Variants in CC2D1B observed in about 807,000 individuals in gnomAD.
The protein encoded by CC2D1B is coiled-coil and C2 domain-containing protein 1B.
In CC2D1B, 92 loss-of-function variants were observed where a neutral mutation model predicts 110.8. The observed-to-expected ratio is 0.83, with a 90% CI of 0.70 to 0.99. CC2D1B has a LOEUF of 0.99. Ranked by LOEUF, CC2D1B falls within the 50% of genes least tolerant of loss-of-function variation. CC2D1B has a pLI of 0.00. For missense variants in CC2D1B, 1,136 were observed against 1,089.0 expected (o/e 1.04, Z -0.61); for synonymous variants, 406 against 429.2 (o/e 0.95, Z 0.67).
chr1:52,356,537 CTG>C, intron 16 of CC2D1B, 95 bp from the exon 17 acceptor site: 1 of 1,339,876 alleles, frequency 7.5e-7, no homozygotes, highest in East Asian at 2.3e-5. Flanking sequence ...CAACTTTCCT[CTG>C]TAGCCTCACC....
chr1:52,360,835 A>T, intron 5 of CC2D1B, 139 bp downstream of exon 5: 1 of 1,115,842 alleles, frequency 9.0e-7, no homozygotes, highest in Non-Finnish European at 1.3e-6. Flanking sequence ...TCTTGTGCTC[A>T]GTTTCTGCTT....
chr1:52,364,404 G>A (rs1646843040), intron 2 of CC2D1B, 148 bp downstream of exon 2: 1 of 490,802 alleles, frequency 2.0e-6, no homozygotes, highest in African/African-American at 1.9e-5. Flanking sequence ...ACTAGTAGGA[G>A]GGTGTCTAAG....
At chr1:52,360,684 GA>G in intron 5 of CC2D1B, 135 bp from the exon 6 acceptor site, 3 of 1,329,874 alleles carry the variant, frequency 2.3e-6, no homozygotes, top group Non-Finnish European at 3.1e-6. Flanking sequence ...CTTAAGGCAG[GA>G]AGCAAAGGCT....
rs756354321 is a variant in CC2D1B, at chr1:52,361,083, T to C, written c.368A>G (p.Asp123Gly). The change falls in exon 5 of 25, where the codon GAT (aspartate) becomes GGT (glycine). Residue 123 changes from aspartate (D) to glycine (G), a missense_variant. Transcript: ENST00000284376. The part of the protein sequence containing the change: ...LGVDEETEPL[D>G]GDEVADPGGS... ...GCCTGGGTCAGCTACCTCATCACCA[T>C]CCAGGGGCTCAGTCTCCTCGTCCAC... 1 of 1,613,920 alleles carries C rather than the reference T, an allele frequency of 6.2e-7. No individual in the cohort carries two copies. The highest frequency in any genetic ancestry group is 8.5e-7 in the Non-Finnish European group (1 of 1,179,956).
chr1:52,357,382 G>A, intron 15 of CC2D1B, 144 bp downstream of exon 15: 3 of 988,706 alleles, frequency 3.0e-6, no homozygotes, highest in South Asian at 1.7e-5. Context: ...AGAGGAGTAT[G>A]AGCAAAAGGC....
In CC2D1B at chr1:52,364,573, T is replaced by C. The variant is rs1417133809; in HGVS notation, c.48A>G (p.Gln16=). ...RPRKGPQARG[Q]GVAAAKQMGL... is the part of the protein sequence containing the mutation. ...ATACCTGCTTGGCAGCGGCCACCCC[T>C]TGGCCTCTGGCCTGAGGGCCCTTCC... is the stretch of plus-strand genomic sequence containing the variant. The change falls in exon 2 of 25, where the codon CAA becomes CAG. Residue 16 remains glutamine, a synonymous_variant. Transcript: ENST00000284376. 1.9e-6 allele frequency: 3 copies of C among 1,606,246 alleles called. No individual in the cohort carries two copies. The highest frequency in any genetic ancestry group is 2.6e-6 in the Non-Finnish European group (3 of 1,174,080).
chr1:52,358,601 G>C (rs971745223), intron 12 of CC2D1B, 85 bp downstream of exon 12: 111 of 1,565,956 alleles, frequency 7.1e-5, no homozygotes, highest in African/African-American at 2.2e-4. Context: ...AGACGCATGA[G>C]AAGTGGGAAT....
At chr1:52,355,144 G>A (rs1268050273) in intron 21 of CC2D1B, among the ~76,000 whole-genome samples, 1 of 152,202 alleles carries the variant, frequency 6.6e-6, no homozygotes, top group Non-Finnish European at 1.5e-5. Context: ...TAACAAAGTA[G>A]GAAAGACTTG....
chr1:52,361,245 G>T (rs1646776533), intron 4 of CC2D1B, 113 bp from the exon 5 acceptor site: 2 of 1,338,062 alleles, frequency 1.5e-6, no homozygotes, highest in Non-Finnish European at 2.1e-6. Flanking sequence ...GTCAGTCACT[G>T]TGCCTGAGTC....
At chr1:52,355,361 C>CT (rs886885041) in intron 21 of CC2D1B, 37 bp downstream of exon 21, 1 of 1,606,472 alleles carries the variant, frequency 6.2e-7, no homozygotes, top group Non-Finnish European at 8.5e-7. Flanking sequence ...CCCACACACT[C>CT]TGAGGGAGGA....
At chr1:52,357,233 G>A in intron 15 of CC2D1B, 107 bp from the exon 16 acceptor site, 1 of 1,336,466 alleles carries the variant, frequency 7.5e-7, no homozygotes, top group Non-Finnish European at 1.0e-6. Context: ...TTCTACTAAA[G>A]TCCAGTGATG....
At chr1:52,365,271 C>T (rs1646858073) in intron 1 of CC2D1B, among the ~76,000 whole-genome samples, 1 of 152,258 alleles carries the variant, frequency 6.6e-6, no homozygotes, top group African/African-American at 2.4e-5. Flanking sequence ...CGGTCTCAGC[C>T]TTCAATGACC....
In CC2D1B at chr1:52,354,130, A is replaced by G. The variant is rs1240441321; in HGVS notation, c.2430+478T>C. 2.6e-5 allele frequency among the ~76,000 whole-genome samples: 4 copies of G among 152,210 alleles called. No individual in the cohort carries two copies. In the East Asian group the frequency reaches 5.8e-4, roughly 22 times the overall value. ...ACAAAGCAGTACAATAGGCCCAAGA[A>G]GTCCAACCACCCTCAGTGGCTCCAA... On this transcript the variant is annotated intron_variant, in intron 23 of 24. Transcript: ENST00000284376.
In CC2D1B at chr1:52,360,177, C is replaced by T; in HGVS notation, c.660G>A (p.Glu220=). The change falls in exon 7 of 25, where the codon GAG becomes GAA. Residue 220 remains glutamate, a synonymous_variant. Coordinates refer to ENST00000284376, the MANE Select transcript of CC2D1B (RefSeq NM_001330585.2). The part of the protein sequence containing the change: ...VRRGRKINED[E]IPPPVALGKR... ...TTCCTAAGGCCACTGGAGGTGGGATCTCATCCTCATTGATCTTTCTGCCTC... is the reference window on the plus strand; with the variant it reads ...TTCCTAAGGCCACTGGAGGTGGGATTTCATCCTCATTGATCTTTCTGCCTC... The T allele has an allele frequency of 1.2e-6, 2 of 1,614,010 alleles. No individual in the cohort carries two copies. The highest frequency in any genetic ancestry group is 8.5e-7 in the Non-Finnish European group (1 of 1,179,952).
chr1:52,357,907 G>C lies in CC2D1B; in HGVS notation c.1462-9C>G, dbSNP rs62000440. The C allele has an allele frequency of 1.1e-3, 1,715 of 1,539,670 alleles. 21 individuals are homozygous for C. The African/African-American group carries it at 0.02, about 18-fold the overall frequency. On this transcript the variant is annotated splice_polypyrimidine_tract_variant and intron_variant, in intron 13 of 24. Coordinates refer to ENST00000284376, the MANE Select transcript of CC2D1B (RefSeq NM_001330585.2). ...TGTGCTGGGGGCTCACCCTGCAGGT[G>C]CCCAGGAGGCTGTTAGGAGGGGATG...
chr1:52,359,034 A>G lies in CC2D1B; in HGVS notation c.1250T>C (p.Ile417Thr), dbSNP rs751860863. The G allele has an allele frequency of 3.2e-5, 51 of 1,606,294 alleles. No homozygotes were observed. Among genetic ancestry groups the G allele is most frequent in the Non-Finnish European group, 3.7e-5 (44 of 1,179,844 alleles). ...DERKARMHER[I>T]AKQYQDAIRA... Reference sequence around the variant, plus strand: ...GCATAGCCGCGGGCCCACCTTGGCAATGCGCTCATGCATCCGAGCCTTGCG... The same window carrying G: ...GCATAGCCGCGGGCCCACCTTGGCAGTGCGCTCATGCATCCGAGCCTTGCG... Residue 417 changes from isoleucine to threonine, a missense_variant, in exon 11 of 25, where the codon ATT becomes ACT. Ile to Thr is a moderately conservative substitution (Grantham distance 89, BLOSUM62 -1). Coordinates refer to ENST00000284376, the MANE Select transcript of CC2D1B (RefSeq NM_001330585.2).
chr1:52,352,312 T>G lies in CC2D1B; in HGVS notation c.*913A>C, dbSNP rs759427996. Reference sequence around the variant, plus strand: ...AGGAGAATTTCTTGTGGAAAAAAACTAAGGAAGTTCCCCACATAACCAGCC... The same window carrying G: ...AGGAGAATTTCTTGTGGAAAAAAACGAAGGAAGTTCCCCACATAACCAGCC... On this transcript the variant is annotated 3_prime_UTR_variant, in exon 25 of 25. Transcript: ENST00000284376. 1.3e-5 allele frequency: 2 copies of G among 152,466 alleles called. No individual in the cohort carries two copies. The highest frequency in any genetic ancestry group is 4.8e-5 in the African/African-American group (2 of 41,394). 9.4% of individuals were successfully genotyped at this position (152,466 alleles called of 1,614,324 possible). A position where few individuals can be genotyped will look rare whatever the true frequency, so the allele number is the denominator to read the frequency against.
rs147504048 is a variant in CC2D1B, at chr1:52,358,446, G to C, written c.1346C>G (p.Pro449Arg). 1.2e-6 allele frequency: 2 copies of C among 1,613,912 alleles called. No homozygotes were observed. The highest frequency in any genetic ancestry group is 1.7e-6 in the Non-Finnish European group (2 of 1,180,012). Residue 449 changes from proline (P) to arginine (R), a missense_variant, in exon 13 of 25, where the codon CCT becomes CGT. Physicochemically the swap from Pro to Arg is moderately radical, Grantham distance 103. Transcript: ENST00000284376. ...AACACCCATAGTGGACTCCAGGCCAGGGATGGGGGGAAATCCTGTGGGAGA... is the reference window on the plus strand; with the variant it reads ...AACACCCATAGTGGACTCCAGGCCACGGATGGGGGGAAATCCTGTGGGAGA... Reference protein sequence around the residue: ...LPVPPGFPPIPGLESTMGVEE... With the variant: ...LPVPPGFPPIRGLESTMGVEE...
intron 1 of CC2D1B, among the ~76,000 whole-genome samples, chr1:52,365,582 A>G (rs959528331): frequency 2.6e-5 from 4 of 152,256 alleles, no homozygotes; most frequent in African/African-American, 9.6e-5. Context: ...CAAGCGGCAG[A>G]ATATGAAAAC....
Sources: allele counts gnomAD v4.1 joint callset (sites outside exome capture counted in the v4.1 genomes callset), GRCh38; gene constraint gnomAD v4.1.1; transcripts MANE v1.5; gene names NCBI Gene and HGNC (gene_info 2026-07-23, HGNC 2026-07-21).